TMEM161B: variants seen among roughly 807,000 people sequenced by gnomAD.
TMEM161B encodes the protein transmembrane protein 161B.
In TMEM161B, 34 loss-of-function variants were observed where a neutral mutation model predicts 61.8. The ratio of observed to expected loss-of-function variants is 0.55; its 90% CI spans 0.42 to 0.73. The LOEUF is 0.73. TMEM161B is among the 30% of genes least tolerant of loss of function. TMEM161B has a pLI of 0.00. For synonymous variants in TMEM161B, 167 were observed against 192.8 expected (o/e 0.87, Z 1.11); for missense variants, 456 against 558.5 (o/e 0.82, Z 1.85).
At chr5:88,215,439 G>C (rs1386549554) in intron 5 of TMEM161B, among the ~76,000 whole-genome samples, 1 of 152,058 alleles carries the variant, frequency 6.6e-6, no homozygotes, top group Non-Finnish European at 1.5e-5. Flanking sequence ...ATTTAATTCT[G>C]GTCTCCTATA....
chr5:88,185,794 A>G (rs1246781531), downstream of TMEM161B, among the ~76,000 whole-genome samples: 3 of 152,210 alleles, frequency 2.0e-5, no homozygotes, highest in African/African-American at 7.2e-5. Flanking sequence ...TGAAACACAG[A>G]AAGAAAAAAG....
rs1752575557 is a variant in TMEM161B at position 88,240,666 on chromosome 5, A to G, written c.107+147T>C. ...CAAGGTCTTGTCTCCAAAAAAAAAA[A>G]ATTAATTTTTTAAGAGAAATAAGAA... On this transcript the variant is annotated intron_variant, in intron 2 of 11. Transcript: ENST00000296595. 2.5e-5 allele frequency: 17 copies of G among 693,016 alleles called. No homozygotes were observed. In the South Asian group the frequency reaches 3.2e-4, roughly 13 times the overall value. The allele number at this position is 693,016 out of a possible 1,614,324, so 42.9% of individuals were successfully genotyped here. A position where few individuals can be genotyped will look rare whatever the true frequency, so the allele number is the denominator to read the frequency against.
Position 88,268,840 on chromosome 5 carries a change from G to A in TMEM161B, c.-117C>T. On this transcript the variant is annotated 5_prime_UTR_variant, in exon 1 of 12. Transcript: ENST00000296595. ...CAAACAGCGAAAGAGAGGGTCTTCC[G>A]GCTCTGCCGGAAGTTGTGCGCGCGC... 1 of 1,558,644 alleles carries A rather than the reference G, an allele frequency of 6.4e-7. No homozygotes were observed. The highest frequency in any genetic ancestry group is 8.7e-7 in the Non-Finnish European group (1 of 1,143,224).
intron 6 of TMEM161B, among the ~76,000 whole-genome samples, chr5:88,206,714 T>G (rs1406623736): frequency 6.6e-6 from 1 of 152,082 alleles, no homozygotes; most frequent in East Asian, 1.9e-4. Flanking sequence ...TATTTGTACA[T>G]TCCATGAGTG....
intron 5 of TMEM161B, among the ~76,000 whole-genome samples, chr5:88,210,973 T>C (rs963148627): frequency 5.3e-5 from 8 of 152,176 alleles, no homozygotes; most frequent in Non-Finnish European, 7.3e-5. Flanking sequence ...GCAGTCTCTG[T>C]AGCATATTCT....
At chr5:88,205,645 T>C (rs1745313767) in intron 8 of TMEM161B, 169 bp downstream of exon 8, 2 of 674,440 alleles carry the variant, frequency 3.0e-6, no homozygotes, top group Non-Finnish European at 4.6e-6. Flanking sequence ...ACTTAAAATT[T>C]AGAAGCAAAT....
chr5:88,258,109 A>G (rs957184097), intron 1 of TMEM161B, among the ~76,000 whole-genome samples: 2 of 152,206 alleles, frequency 1.3e-5, no homozygotes, highest in African/African-American at 4.8e-5. Context: ...GTTAGTTGAA[A>G]TCAAATTAGA....
intron 1 of TMEM161B, chr5:88,259,458 C>G (rs1378158019): frequency 6.6e-6 from 1 of 152,176 alleles, no homozygotes; most frequent in Non-Finnish European, 1.5e-5. Flanking sequence ...AGGCTTGGAA[C>G]AAGTGTAACT....
At chr5:88,194,000 T>G (rs1749248147), downstream of TMEM161B, among the ~76,000 whole-genome samples, 1 of 152,158 alleles carries the variant, frequency 6.6e-6, no homozygotes, top group African/African-American at 2.4e-5. Context: ...ACTTTTTACA[T>G]GTTTTATTTT....
At chr5:88,194,382 ATCCAATCAACCACTGATG>A (rs1159225153), downstream of TMEM161B, among the ~76,000 whole-genome samples, 1 of 152,072 alleles carries the variant, frequency 6.6e-6, no homozygotes, top group African/African-American at 2.4e-5. Context: ...CATTTTCTTT[ATCCAATCAACCACTGATG>A]GCCACTTAGG....
At chr5:88,200,300 A>C (rs919342830) in intron 9 of TMEM161B, 4 of 152,118 alleles carry the variant, frequency 2.6e-5, no homozygotes, top group African/African-American at 9.7e-5. Context: ...AAGAAAGATA[A>C]AGGCATAACA....
chr5:88,223,131 A>ATTT (rs34109832), intron 4 of TMEM161B, among the ~76,000 whole-genome samples: 6 of 146,194 alleles, frequency 4.1e-5, no homozygotes, highest in African/African-American at 1.5e-4. Context: ...CCCTAAATTC[A>ATTT]TTTTTTTTTT....
chr5:88,186,494 A>AT (rs541534315), downstream of TMEM161B, among the ~76,000 whole-genome samples: 8 of 151,650 alleles, frequency 5.3e-5, 1 homozygote, highest in South Asian at 8.3e-4. Flanking sequence ...TTCCTAATCT[A>AT]TTTTTTTTAA....
At chr5:88,191,982 GTATATATATATATATA>G (rs67658909), downstream of TMEM161B, among the ~76,000 whole-genome samples, 499 of 19,644 alleles carry the variant, frequency 0.025, 25 homozygotes, top group African/African-American at 0.096. Flanking sequence ...AAAAAAAAGT[GTATATATATATATATA>G]TATATATATA....
intron 5 of TMEM161B, among the ~76,000 whole-genome samples, chr5:88,211,880 G>A (rs1317667776): frequency 6.6e-6 from 1 of 151,706 alleles, no homozygotes; most frequent in South Asian, 2.1e-4. Context: ...GTGGAGGGAC[G>A]GACAGAAGAA....
chr5:88,208,878 A>G (rs533867354), intron 5 of TMEM161B, among the ~76,000 whole-genome samples: 1 of 152,254 alleles, frequency 6.6e-6, no homozygotes, highest in Non-Finnish European at 1.5e-5. Context: ...TTTTCAAAAC[A>G]GAACTGCCCT....
chr5:88,252,794 A>G (rs1433180084), intron 1 of TMEM161B, among the ~76,000 whole-genome samples: 1 of 152,220 alleles, frequency 6.6e-6, no homozygotes, highest in Non-Finnish European at 1.5e-5. Flanking sequence ...ATAAAGGATG[A>G]TCAATCTTTA....
In TMEM161B at chr5:88,264,467, G is replaced by A. The variant is rs1363837648; in HGVS notation, c.3+4254C>T. 5.3e-5 allele frequency among the ~76,000 whole-genome samples: 8 copies of A among 152,238 alleles called. No individual in the cohort carries two copies. In the Middle Eastern group the frequency reaches 0.01, roughly 194 times the overall value. Reference sequence around the variant, plus strand: ...GGCGAGGCTGTGGAGAAATAGGAACGCTTTTACACTGCTGGTGGGAGGGTA... The same window carrying A: ...GGCGAGGCTGTGGAGAAATAGGAACACTTTTACACTGCTGGTGGGAGGGTA... On this transcript the variant is annotated intron_variant, in intron 1 of 11. Transcript: ENST00000296595.
At chr5:88,188,542 T>C (rs1391679882), downstream of TMEM161B, among the ~76,000 whole-genome samples, 4 of 152,190 alleles carry the variant, frequency 2.6e-5, no homozygotes, top group African/African-American at 9.7e-5. Context: ...TGATGGTTAA[T>C]ATTGAGTGTC....
Sources: gnomAD v4.1 joint callset for allele counts (sites outside exome capture counted in the v4.1 genomes callset) on GRCh38, gnomAD v4.1.1 for gene constraint, MANE v1.5 for transcripts, NCBI Gene and HGNC (gene_info 2026-07-23, HGNC 2026-07-21) for gene names.